LRRC4C: variants seen among roughly 807,000 people sequenced by gnomAD.
LRRC4C encodes the protein leucine rich repeat containing 4C.
Under a neutral mutation model 33.6 loss-of-function variants are expected in LRRC4C, and 5 were observed. The observed-to-expected ratio is 0.15, with a 90% CI of 0.08 to 0.31. The LOEUF (loss-of-function observed/expected upper bound fraction) is 0.31. Ranked by LOEUF, LRRC4C falls within the 10% of genes least tolerant of loss-of-function variation. The pLI is 1.00. For synonymous variants in LRRC4C, 329 were observed against 302.0 expected, an observed-to-expected ratio of 1.09 and a Z score of -0.93; for missense variants, 560 against 796.7, an observed-to-expected ratio of 0.70 and a Z score of 3.58.
intron 2 of LRRC4C, among the ~76,000 whole-genome samples, chr11:40,741,942 T>C (rs1165418136): frequency 1.3e-5 from 2 of 152,052 alleles, no homozygotes; most frequent in African/African-American, 2.4e-5. Context: ...TCTAAGAGTA[T>C]GGAATTTCTG....
intron 1 of LRRC4C, among the ~76,000 whole-genome samples, chr11:41,355,231 C>T (rs1235608740): frequency 1.3e-5 from 2 of 151,942 alleles, no homozygotes; most frequent in African/African-American, 4.8e-5. Context: ...CTCAGCATCC[C>T]TAATCATGAG....
chr11:40,792,750 A>G (rs1950677623), intron 2 of LRRC4C, among the ~76,000 whole-genome samples: 1 of 152,136 alleles, frequency 6.6e-6, no homozygotes, highest in South Asian at 2.1e-4. Flanking sequence ...ATGTCCAACA[A>G]TGATAGACTG....
intron 1 of LRRC4C, among the ~76,000 whole-genome samples, chr11:41,167,036 G>C (rs1256460341): frequency 6.6e-6 from 1 of 152,038 alleles, no homozygotes; most frequent in Non-Finnish European, 1.5e-5. Flanking sequence ...ACAATGCCAT[G>C]AATTCCATCA....
chr11:41,445,977 A>G (rs1320173032), intron 1 of LRRC4C, among the ~76,000 whole-genome samples: 3 of 151,922 alleles, frequency 2.0e-5, no homozygotes, highest in African/African-American at 4.8e-5. Context: ...TTTAGATGAC[A>G]TTACTTATAA....
intron 1 of LRRC4C, among the ~76,000 whole-genome samples, chr11:41,099,400 A>C (rs918610922): frequency 6.6e-6 from 1 of 151,936 alleles, no homozygotes; most frequent in African/African-American, 2.4e-5. Context: ...GAAAAAAAAA[A>C]ACTTCAGACC....
rs1030017956 is a variant in LRRC4C, at chr11:41,392,507, C to A, written c.-496+66924G>T. On this transcript the variant is annotated intron_variant, in intron 1 of 6. Transcript: ENST00000528697. Reference sequence around the variant, plus strand: ...GTACTTACCGAATTTAGGATTTGTACTGGGTTGAATAGTGTTACCACCCCC... The same window carrying A: ...GTACTTACCGAATTTAGGATTTGTAATGGGTTGAATAGTGTTACCACCCCC... Among the ~76,000 whole-genome samples, 19 of 151,328 alleles carry A rather than the reference C, an allele frequency of 1.3e-4. No homozygotes were observed. In the Admixed American group the frequency reaches 1.3e-3, roughly 10 times the overall value.
intron 1 of LRRC4C, among the ~76,000 whole-genome samples, chr11:41,252,977 G>A (rs571447443): frequency 6.6e-6 from 1 of 152,164 alleles, no homozygotes; most frequent in South Asian, 2.1e-4. Flanking sequence ...TACAATTCAA[G>A]ATGAGACTTG....
chr11:40,283,883 T>C (rs894216245), intron 4 of LRRC4C, among the ~76,000 whole-genome samples: 3 of 151,804 alleles, frequency 2.0e-5, no homozygotes, highest in Admixed American at 6.6e-5. Context: ...TTTGCATATT[T>C]AGTAGAGACA....
Position 40,116,054 on chromosome 11 carries a change from A to C in LRRC4C, c.239T>G (p.Leu80Arg), listed in dbSNP as rs1164339334. 1 of 1,614,128 alleles carries C rather than the reference A, an allele frequency of 6.2e-7. No homozygotes were observed. Among genetic ancestry groups the C allele is most frequent in the South Asian group, 1.1e-5 (1 of 91,086 alleles). Residue 80 changes from leucine to arginine, a missense_variant, in exon 7 of 7, where the codon CTG becomes CGG. Transcript: ENST00000528697. The stretch of plus-strand genomic sequence containing the variant: ...GATTTGGTTCTCATGGAGGTTCAGC[A>C]GCCGTGTGTTGGTGGAGATGCCATC... ...VPDGISTNTR[L>R]LNLHENQIQI...
At chr11:41,198,318 A>G (rs993518834) in intron 1 of LRRC4C, among the ~76,000 whole-genome samples, 1 of 152,014 alleles carries the variant, frequency 6.6e-6, no homozygotes, top group Admixed American at 6.6e-5. Flanking sequence ...CTATATTACT[A>G]TGAATAATTA....
chr11:41,429,779 C>T (rs951244606), intron 1 of LRRC4C, among the ~76,000 whole-genome samples: 3 of 151,888 alleles, frequency 2.0e-5, no homozygotes, highest in African/African-American at 4.8e-5. Flanking sequence ...ATTCTCTAGC[C>T]GTCTGGTGTT....
At position 41,098,140 on chromosome 11, in the gene LRRC4C, G is replaced by A. The variant is rs142004773; in HGVS notation, c.-495-164417C>T. On this transcript the variant is annotated intron_variant, in intron 1 of 6. Coordinates refer to ENST00000528697, the MANE Select transcript of LRRC4C (RefSeq NM_001258419.2). The stretch of plus-strand genomic sequence containing the variant: ...AGTAGATACGGACACTAACATGGGG[G>A]GCTGCTCCTCTGCTTTCCTTACTTC... 3.8e-3 allele frequency among the ~76,000 whole-genome samples: 579 copies of A among 152,118 alleles called. 4 individuals carry two copies. The highest frequency in any genetic ancestry group is 0.013 in the African/African-American group (532 of 41,492).
intron 3 of LRRC4C, among the ~76,000 whole-genome samples, chr11:40,553,867 A>C (rs1255659719): frequency 6.6e-6 from 1 of 152,190 alleles, no homozygotes; most frequent in Non-Finnish European, 1.5e-5. Context: ...TAGTTTACAA[A>C]TAGTTTCTCG....
At chr11:41,280,958 A>G (rs1856556723) in intron 1 of LRRC4C, among the ~76,000 whole-genome samples, 1 of 152,134 alleles carries the variant, frequency 6.6e-6, no homozygotes, top group African/African-American at 2.4e-5. Flanking sequence ...GATAACAGAA[A>G]ACAAGGCATG....
chr11:40,495,934 A>G (rs1954429720), intron 3 of LRRC4C, among the ~76,000 whole-genome samples: 1 of 145,650 alleles, frequency 6.9e-6, no homozygotes, highest in Non-Finnish European at 1.5e-5. Flanking sequence ...GGTTCAAGCA[A>G]TTCTCCTGTC....
intron 1 of LRRC4C, among the ~76,000 whole-genome samples, chr11:40,983,989 T>C (rs1374490604): frequency 6.6e-6 from 1 of 152,156 alleles, no homozygotes; most frequent in Non-Finnish European, 1.5e-5. Context: ...AATAGGCACA[T>C]GTTGCCAGTT....
At chr11:40,410,886 A>G (rs1950133525) in intron 3 of LRRC4C, among the ~76,000 whole-genome samples, 1 of 152,074 alleles carries the variant, frequency 6.6e-6, no homozygotes, top group Non-Finnish European at 1.5e-5. Context: ...GTCACATCTA[A>G]CCATTGATTC....
chr11:41,233,944 G>C (rs570098281), intron 1 of LRRC4C, among the ~76,000 whole-genome samples: 31 of 151,640 alleles, frequency 2.0e-4, no homozygotes, highest in African/African-American at 7.0e-4. Flanking sequence ...ACCACTTGGT[G>C]GGATCATAGC....
At chr11:40,636,729 T>C (rs1941773791) in intron 3 of LRRC4C, among the ~76,000 whole-genome samples, 2 of 152,172 alleles carry the variant, frequency 1.3e-5, no homozygotes, top group Admixed American at 6.6e-5. Context: ...ATCTCATGAC[T>C]GGCCACATGA....
Sources: allele counts gnomAD v4.1 joint callset (sites outside exome capture counted in the v4.1 genomes callset), GRCh38; gene constraint gnomAD v4.1.1; transcripts MANE v1.5; gene names NCBI Gene and HGNC (gene_info 2026-07-23, HGNC 2026-07-21).